TPRG1: variants seen among roughly 807,000 people sequenced by gnomAD.
TPRG1 encodes the protein tumor protein p63 regulated 1.
TPRG1 carries 29 observed loss-of-function variants against 29.3 expected under a neutral mutation model. The ratio of observed to expected loss-of-function variants is 0.99; its 90% CI spans 0.74 to 1.35. The LOEUF is 1.35. Ranked by LOEUF, TPRG1 falls within the 40% of genes most tolerant of loss-of-function variation. The pLI, the probability that TPRG1 is intolerant of heterozygous loss-of-function variation, is 0.00. For missense variants in TPRG1, 327 were observed against 335.0 expected (o/e 0.98, Z 0.19); for synonymous variants, 130 against 116.8 (o/e 1.11, Z -0.73).
upstream of TPRG1, among the ~76,000 whole-genome samples, chr3:189,099,354 G>A (rs1471057967): frequency 6.6e-6 from 1 of 152,060 alleles, no homozygotes; most frequent in African/African-American, 2.4e-5. Context: ...CTGACGAAGT[G>A]GATTTTGGTT....
intron 5 of TPRG1, among the ~76,000 whole-genome samples, chr3:189,161,409 A>G (rs373021566): frequency 4.6e-5 from 7 of 152,166 alleles, no homozygotes; most frequent in African/African-American, 1.7e-4. Flanking sequence ...AGATTCAAAT[A>G]CATTACATGC....
At chr3:189,302,113 A>G (rs1224385575) in intron 4 of TPRG1, among the ~76,000 whole-genome samples, 1 of 152,168 alleles carries the variant, frequency 6.6e-6, no homozygotes, top group Admixed American at 6.5e-5. Flanking sequence ...AAAGTACTTA[A>G]TGCTATTTTC....
intron 3 of TPRG1, among the ~76,000 whole-genome samples, chr3:189,136,367 G>A (rs1207528234): frequency 6.6e-6 from 1 of 152,144 alleles, no homozygotes; most frequent in African/African-American, 2.4e-5. Flanking sequence ...GCTTATGGAA[G>A]GAGACTGCTC....
Position 189,204,389 on chromosome 3 carries a change from A to G in TPRG1, c.-9-2987A>G, listed in dbSNP as rs76627532. Among the ~76,000 whole-genome samples, 1,374 of 152,324 alleles carry G rather than the reference A, an allele frequency of 9.0e-3. 7 individuals carry two copies. The highest frequency in any genetic ancestry group is 0.012 in the Non-Finnish European group (844 of 68,032). ...TCATGAGAAATAGAGTGGAATGTGT[A>G]GATGTGCAGCACGCTTCTCCTGTTG... On this transcript the variant is annotated intron_variant, in intron 1 of 5. Coordinates refer to ENST00000345063, the MANE Select transcript of TPRG1 (RefSeq NM_198485.4).
At chr3:189,129,392 A>G (rs924533986) in intron 2 of TPRG1, among the ~76,000 whole-genome samples, 2 of 152,160 alleles carry the variant, frequency 1.3e-5, no homozygotes, top group African/African-American at 4.8e-5. Flanking sequence ...GATACCAGGT[A>G]TATTATGTTG....
At chr3:189,113,189 G>T (rs888509110) in intron 1 of TPRG1, among the ~76,000 whole-genome samples, 6 of 152,120 alleles carry the variant, frequency 3.9e-5, no homozygotes, top group African/African-American at 1.2e-4. Context: ...TCTGTTATTG[G>T]TGTATAAGAA....
intron 3 of TPRG1, among the ~76,000 whole-genome samples, chr3:189,015,379 G>A (rs1712873982): frequency 6.6e-6 from 1 of 152,146 alleles, no homozygotes; most frequent in South Asian, 2.1e-4. Context: ...ATGTTTAAAA[G>A]GTAAACAGAG....
chr3:189,241,223 G>C (rs1338277216), intron 4 of TPRG1, among the ~76,000 whole-genome samples: 1 of 152,072 alleles, frequency 6.6e-6, no homozygotes, highest in Non-Finnish European at 1.5e-5. Flanking sequence ...CAAAGTATCA[G>C]GGTAATCTTT....
chr3:189,295,838 G>A (rs1363276229), intron 4 of TPRG1, among the ~76,000 whole-genome samples: 1 of 151,050 alleles, frequency 6.6e-6, no homozygotes, highest in African/African-American at 2.4e-5. Context: ...TAGCCACATA[G>A]TGAAACGTTT....
At chr3:189,169,479 T>C (rs1255187450), upstream of TPRG1, among the ~76,000 whole-genome samples, 1 of 152,114 alleles carries the variant, frequency 6.6e-6, no homozygotes, top group Non-Finnish European at 1.5e-5. Flanking sequence ...AAGGTTATTA[T>C]AGAAGAGAGA....
At chr3:189,211,931 C>T (rs555832156) in intron 2 of TPRG1, 8 of 151,944 alleles carry the variant, frequency 5.3e-5, no homozygotes, top group African/African-American at 1.5e-4. Context: ...ATTGCTTAGA[C>T]GTATCTAAAA....
At chr3:189,103,369 T>C (rs1016949741) in intron 1 of TPRG1, among the ~76,000 whole-genome samples, 1 of 152,172 alleles carries the variant, frequency 6.6e-6, no homozygotes, top group African/African-American at 2.4e-5. Flanking sequence ...GCATCACTAT[T>C]ACAAAATTCT....
intron 3 of TPRG1, among the ~76,000 whole-genome samples, chr3:189,220,286 A>G (rs1034392375): frequency 3.3e-5 from 5 of 151,522 alleles, no homozygotes; most frequent in Admixed American, 2.6e-4. Flanking sequence ...TTTGATATAT[A>G]TATATAGTAT....
chr3:189,096,640 A>G (rs1351218769), upstream of TPRG1, among the ~76,000 whole-genome samples: 1 of 152,202 alleles, frequency 6.6e-6, no homozygotes, highest in Non-Finnish European at 1.5e-5. Context: ...AGATCTATTC[A>G]TATTTACTCT....
At chr3:189,025,748 A>G (rs557278364) in intron 4 of TPRG1, among the ~76,000 whole-genome samples, 1 of 152,352 alleles carries the variant, frequency 6.6e-6, no homozygotes, top group East Asian at 1.9e-4. Context: ...GCTTTCTGGA[A>G]TATTCTCTAG....
At chr3:189,081,835 T>C (rs1005530956) in intron 4 of TPRG1, among the ~76,000 whole-genome samples, 4 of 152,346 alleles carry the variant, frequency 2.6e-5, no homozygotes, top group African/African-American at 9.6e-5. Context: ...TTAGGTTCCT[T>C]TGGTTATAAT....
chr3:189,018,611 C>T (rs1232010368), intron 3 of TPRG1, among the ~76,000 whole-genome samples: 27 of 146,844 alleles, frequency 1.8e-4, no homozygotes, highest in African/African-American at 6.2e-4. Context: ...GGTACCAGTA[C>T]CATGCTGTTT....
At chr3:189,297,031 A>G (rs751718898) in intron 4 of TPRG1, among the ~76,000 whole-genome samples, 1 of 152,112 alleles carries the variant, frequency 6.6e-6, no homozygotes, top group Non-Finnish European at 1.5e-5. Flanking sequence ...CCCAGGCAGA[A>G]GTACAGTGGT....
At chr3:189,237,439 A>G (rs551127641) in intron 3 of TPRG1, among the ~76,000 whole-genome samples, 1 of 152,292 alleles carries the variant, frequency 6.6e-6, no homozygotes, top group African/African-American at 2.4e-5. Context: ...TAAGCATTTT[A>G]TACTTCATTT....
Sources: gnomAD v4.1 joint callset for allele counts (sites outside exome capture counted in the v4.1 genomes callset) on GRCh38, gnomAD v4.1.1 for gene constraint, MANE v1.5 for transcripts, NCBI Gene and HGNC (gene_info 2026-07-23, HGNC 2026-07-21) for gene names.